The following SGMS1 variants were observed in gnomAD, a reference collection of about 807,000 sequenced individuals.
SGMS1 encodes the protein phosphatidylcholine:ceramide cholinephosphotransferase 1.
SGMS1 carries 13 observed loss-of-function variants against 46.2 expected under a neutral mutation model. The observed-to-expected ratio is 0.28, with a 90% CI of 0.18 to 0.45. The LOEUF (loss-of-function observed/expected upper bound fraction) is 0.45. Among genes scored for constraint, SGMS1 ranks in the 20% least tolerant of loss-of-function variants. The pLI, the probability that SGMS1 is intolerant of heterozygous loss-of-function variation, is 1.00. For synonymous variants in SGMS1, 203 were observed against 187.8 expected (o/e 1.08, Z -0.66); for missense variants, 324 against 519.9 (o/e 0.62, Z 3.66).
chr10:50,365,255 CAAAAAAAA>C (rs67951872), intron 6 of SGMS1, among the ~76,000 whole-genome samples: 7 of 45,026 alleles, frequency 1.6e-4, no homozygotes, highest in South Asian at 1.4e-3. Flanking sequence ...TCCATCTCAC[CAAAAAAAA>C]AAAAAAAAAA....
At chr10:50,430,131 C>G (rs943283316) in intron 6 of SGMS1, among the ~76,000 whole-genome samples, 1 of 152,044 alleles carries the variant, frequency 6.6e-6, no homozygotes, top group South Asian at 2.1e-4. Flanking sequence ...TAGAGTGTCC[C>G]CTAAGCACTC....
At chr10:50,357,046 T>C (rs950304769) in intron 6 of SGMS1, among the ~76,000 whole-genome samples, 52 of 151,692 alleles carry the variant, frequency 3.4e-4, no homozygotes, top group African/African-American at 1.2e-3. Flanking sequence ...GCACATTGTA[T>C]ACCTGTACCC....
chr10:50,528,637 A>T (rs1437582480), intron 2 of SGMS1, among the ~76,000 whole-genome samples: 1 of 152,174 alleles, frequency 6.6e-6, no homozygotes, highest in African/African-American at 2.4e-5. Context: ...GGTAGCTCAC[A>T]CCTGTAATCC....
At chr10:50,480,896 A>G (rs1564925071) in intron 3 of SGMS1, among the ~76,000 whole-genome samples, 6 of 151,958 alleles carry the variant, frequency 3.9e-5, no homozygotes, top group Admixed American at 2.6e-4. Context: ...GCTGTGGCAG[A>G]TCATGGCCAG....
chr10:50,317,396 C>T (rs1391513154), intron 8 of SGMS1, among the ~76,000 whole-genome samples: 5 of 152,204 alleles, frequency 3.3e-5, no homozygotes, highest in Admixed American at 3.3e-4. Flanking sequence ...TGTATCTTCA[C>T]AAGCTTGTCA....
At chr10:50,586,357 A>G (rs1398709892) in intron 2 of SGMS1, among the ~76,000 whole-genome samples, 1 of 152,184 alleles carries the variant, frequency 6.6e-6, no homozygotes, top group African/African-American at 2.4e-5. Context: ...AGCCTGGCCC[A>G]TGTAAGCCTC....
intron 6 of SGMS1, among the ~76,000 whole-genome samples, chr10:50,399,465 G>C (rs1047529230): frequency 5.9e-5 from 9 of 152,188 alleles, no homozygotes; most frequent in Admixed American, 4.6e-4. Context: ...TCCTACAGAA[G>C]TGGTGCAGTC....
chr10:50,449,233 C>A (rs763867037), intron 5 of SGMS1, among the ~76,000 whole-genome samples: 2 of 152,170 alleles, frequency 1.3e-5, no homozygotes, highest in Non-Finnish European at 2.9e-5. Context: ...CATCTACCTA[C>A]CTGCCTATGT....
chr10:50,449,772 A>G (rs902642938), intron 5 of SGMS1, among the ~76,000 whole-genome samples: 8 of 151,810 alleles, frequency 5.3e-5, no homozygotes, highest in Non-Finnish European at 1.2e-4. Context: ...ATCACCACTT[A>G]GCATACATGT....
intron 5 of SGMS1, among the ~76,000 whole-genome samples, chr10:50,460,324 C>A (rs946514300): frequency 1.3e-5 from 2 of 152,308 alleles, no homozygotes; most frequent in Middle Eastern, 3.4e-3. Context: ...TTATGAGACA[C>A]ATTTGCTGAG....
chr10:50,479,870 A>C (rs1407023328), intron 3 of SGMS1, among the ~76,000 whole-genome samples: 1 of 152,140 alleles, frequency 6.6e-6, no homozygotes, highest in East Asian at 1.9e-4. Context: ...GTATTTCTTG[A>C]TTTCTACAAC....
intron 6 of SGMS1, among the ~76,000 whole-genome samples, chr10:50,400,404 T>C (rs1227926130): frequency 3.2e-4 from 1 of 3,108 alleles, no homozygotes; most frequent in Non-Finnish European, 6.3e-4. Context: ...GGCATATATA[T>C]ATATATATAT....
intron 2 of SGMS1, among the ~76,000 whole-genome samples, chr10:50,576,899 TA>T (rs1282758664): frequency 2.0e-5 from 3 of 152,330 alleles, no homozygotes; most frequent in East Asian, 3.9e-4. Context: ...GCAAATAATC[TA>T]AATCCACTTG....
At chr10:50,451,939 T>A (rs767325994) in intron 5 of SGMS1, among the ~76,000 whole-genome samples, 4 of 152,168 alleles carry the variant, frequency 2.6e-5, no homozygotes, top group Non-Finnish European at 5.9e-5. Context: ...ATTACACTCA[T>A]TCAGAATCAA....
chr10:50,516,917 G>A (rs748781140), intron 3 of SGMS1, among the ~76,000 whole-genome samples: 67 of 152,280 alleles, frequency 4.4e-4, no homozygotes, highest in Admixed American at 1.7e-3. Context: ...CTGTTCCTGA[G>A]CAAAGAACAC....
intron 6 of SGMS1, among the ~76,000 whole-genome samples, chr10:50,432,435 G>A (rs1279319581): frequency 6.6e-6 from 1 of 152,116 alleles, no homozygotes; most frequent in Non-Finnish European, 1.5e-5. Context: ...CTCGCTTTCA[G>A]TGACTTTTGC....
At chr10:50,403,689 A>G (rs184283002) in intron 6 of SGMS1, among the ~76,000 whole-genome samples, 1 of 151,110 alleles carries the variant, frequency 6.6e-6, no homozygotes, top group African/African-American at 2.4e-5. Flanking sequence ...ACCTGCTCTT[A>G]AGAGGCTCAA....
chr10:50,432,742 A>G (rs1480976055), intron 6 of SGMS1, among the ~76,000 whole-genome samples: 1 of 152,210 alleles, frequency 6.6e-6, no homozygotes, highest in Admixed American at 6.5e-5. Context: ...ACTTTCCACA[A>G]ACTTTAATTT....
chr10:50,562,638 G>C (rs981926489), intron 2 of SGMS1, among the ~76,000 whole-genome samples: 3 of 152,124 alleles, frequency 2.0e-5, no homozygotes, highest in African/African-American at 7.2e-5. Flanking sequence ...CCGCCTCCCG[G>C]GTTCACACCA....
Sources: gnomAD v4.1 joint callset for allele counts (sites outside exome capture counted in the v4.1 genomes callset) on GRCh38, gnomAD v4.1.1 for gene constraint, MANE v1.5 for transcripts, NCBI Gene and HGNC (gene_info 2026-07-23, HGNC 2026-07-21) for gene names.